Variants in MYCBP2 observed in about 807,000 individuals in gnomAD.
The protein encoded by MYCBP2 is MYC binding protein 2.
Under a neutral mutation model 525.3 loss-of-function variants are expected in MYCBP2, and 120 were observed. That is an observed-to-expected ratio of 0.23 (90% CI 0.20 to 0.27). The LOEUF (loss-of-function observed/expected upper bound fraction) is 0.27, where lower values mean the gene tolerates loss of function less well. Among genes scored for constraint, MYCBP2 ranks in the 10% least tolerant of loss-of-function variants. MYCBP2 has a pLI of 1.00. For synonymous variants in MYCBP2, 1,894 were observed against 1,955.8 expected (o/e 0.97, Z 0.83); for missense variants, 4,149 against 5,657.1 (o/e 0.73, Z 8.55).
At chr13:77,191,624 A>C (rs1269158708) in intron 28 of MYCBP2, 55 bp downstream of exon 28, 6 of 1,583,552 alleles carry the variant, frequency 3.8e-6, no homozygotes, top group Non-Finnish European at 5.2e-6. Context: ...TTTCAAAACA[A>C]TATTCCTCTA....
chr13:77,315,239 G>A (rs1272158764), intron 1 of MYCBP2, among the ~76,000 whole-genome samples: 10 of 152,216 alleles, frequency 6.6e-5, no homozygotes, highest in Admixed American at 5.2e-4. Flanking sequence ...ACAATCTTAC[G>A]CAAACATTTT....
Position 77,205,250 on chromosome 13 carries a change from C to T in MYCBP2, c.3843+6G>A. 2 of 1,575,448 alleles carry T rather than the reference C, an allele frequency of 1.3e-6. No individual in the cohort carries two copies. Among genetic ancestry groups the T allele is most frequent in the Non-Finnish European group, 1.7e-6 (2 of 1,159,104 alleles). ...AAAAAAGGACAACATTGTTGATGAACTTTACCTTAATTTTAGCAGTATATT... is the reference window on the plus strand; with the variant it reads ...AAAAAAGGACAACATTGTTGATGAATTTTACCTTAATTTTAGCAGTATATT... On this transcript the variant is annotated splice_donor_region_variant and intron_variant, in intron 26 of 82. Coordinates refer to ENST00000544440, the MANE Select transcript of MYCBP2 (RefSeq NM_015057.5).
At chr13:77,321,966 G>A (rs1035889994) in intron 1 of MYCBP2, among the ~76,000 whole-genome samples, 1 of 152,104 alleles carries the variant, frequency 6.6e-6, no homozygotes, top group Non-Finnish European at 1.5e-5. Context: ...TTCAAGACCA[G>A]CCTGGACAAC....
chr13:77,196,840 G>C (rs1386506203), intron 26 of MYCBP2, among the ~76,000 whole-genome samples: 2 of 152,170 alleles, frequency 1.3e-5, no homozygotes, highest in Non-Finnish European at 2.9e-5. Flanking sequence ...TCAGAGAAGA[G>C]GTTTATAAAT....
At chr13:77,217,758 G>C in intron 21 of MYCBP2, 82 bp downstream of exon 21, 1 of 761,896 alleles carries the variant, frequency 1.3e-6, no homozygotes, top group Non-Finnish European at 2.1e-6. Context: ...TTATATTCTG[G>C]AAACAGAAAA....
intron 21 of MYCBP2, among the ~76,000 whole-genome samples, chr13:77,215,909 T>C (rs1234415954): frequency 2.0e-5 from 3 of 152,216 alleles, no homozygotes; most frequent in Admixed American, 1.3e-4. Context: ...TACATATATG[T>C]GGACATATAA....
At chr13:77,092,875 A>G (rs531413431) in intron 59 of MYCBP2, among the ~76,000 whole-genome samples, 18 of 152,170 alleles carry the variant, frequency 1.2e-4, no homozygotes, top group Admixed American at 5.2e-4. Context: ...CACTGCTCCC[A>G]TGAAAACTCA....
chr13:77,305,001 G>A (rs2079230228), intron 1 of MYCBP2, among the ~76,000 whole-genome samples: 1 of 151,844 alleles, frequency 6.6e-6, no homozygotes, highest in Non-Finnish European at 1.5e-5. Context: ...AAAAAAAACT[G>A]GATCCCTAAT....
At chr13:77,156,511 G>A (rs2057232789) in intron 45 of MYCBP2, among the ~76,000 whole-genome samples, 1 of 152,182 alleles carries the variant, frequency 6.6e-6, no homozygotes, top group Non-Finnish European at 1.5e-5. Flanking sequence ...CACGAATGTA[G>A]GTTGTGCATA....
intron 2 of MYCBP2, among the ~76,000 whole-genome samples, chr13:77,294,104 C>CCATATATATATA (rs1297038387): frequency 4.8e-5 from 2 of 41,910 alleles, no homozygotes; most frequent in South Asian, 9.1e-4. Flanking sequence ...GATATAATGG[C>CCATATATATATA]TATATATATA....
chr13:77,193,338 C>G (rs190341633), intron 27 of MYCBP2, among the ~76,000 whole-genome samples: 1 of 152,190 alleles, frequency 6.6e-6, no homozygotes, highest in East Asian at 1.9e-4. Context: ...TAGATTTACT[C>G]TTTTGTTTTC....
chr13:77,195,018 A>G (rs2061621852), intron 26 of MYCBP2, among the ~76,000 whole-genome samples: 1 of 103,736 alleles, frequency 9.6e-6, no homozygotes, highest in African/African-American at 2.7e-5. Context: ...CTTTTTAAAA[A>G]ATGTCCTTTT....
intron 26 of MYCBP2, among the ~76,000 whole-genome samples, chr13:77,197,965 T>G (rs181094373): frequency 2.3e-4 from 35 of 152,276 alleles, no homozygotes; most frequent in Admixed American, 1.9e-3. Context: ...CATAATTCTA[T>G]ATACTACAGT....
intron 47 of MYCBP2, among the ~76,000 whole-genome samples, chr13:77,150,172 G>A (rs552367090): frequency 2.0e-5 from 3 of 152,172 alleles, no homozygotes; most frequent in Non-Finnish European, 4.4e-5. Flanking sequence ...AAATCCCAAA[G>A]AGTTCTAGGA....
intron 45 of MYCBP2, among the ~76,000 whole-genome samples, chr13:77,157,030 C>T (rs1369526578): frequency 6.6e-6 from 1 of 151,386 alleles, no homozygotes; most frequent in African/African-American, 2.4e-5. Context: ...CCCTTTTCAT[C>T]CTAAAAACAA....
intron 27 of MYCBP2, among the ~76,000 whole-genome samples, chr13:77,193,867 G>A (rs562215093): frequency 4.0e-4 from 61 of 152,188 alleles, no homozygotes; most frequent in Admixed American, 7.2e-4. Context: ...TAGGTATTCC[G>A]TAAGAGATGC....
intron 55 of MYCBP2, among the ~76,000 whole-genome samples, chr13:77,103,744 C>T (rs2047430844): frequency 6.6e-6 from 1 of 151,782 alleles, no homozygotes; most frequent in Admixed American, 6.6e-5. Flanking sequence ...ACTTGGTTTC[C>T]TGAATGAACC....
chr13:77,152,430 G>A (rs150955834), intron 46 of MYCBP2, among the ~76,000 whole-genome samples: 1 of 152,214 alleles, frequency 6.6e-6, no homozygotes, highest in South Asian at 2.1e-4. Flanking sequence ...CTGGATAGGA[G>A]AAGGTGGTTC....
intron 17 of MYCBP2, among the ~76,000 whole-genome samples, chr13:77,236,153 T>A (rs1161016863): frequency 6.6e-6 from 1 of 152,164 alleles, no homozygotes; most frequent in Non-Finnish European, 1.5e-5. Flanking sequence ...AAAAGAAGCC[T>A]CAGCTAAGGA....
Sources: allele counts gnomAD v4.1 joint callset (sites outside exome capture counted in the v4.1 genomes callset), GRCh38; gene constraint gnomAD v4.1.1; transcripts MANE v1.5; gene names NCBI Gene and HGNC (gene_info 2026-07-23, HGNC 2026-07-21).